Variants in GRAMD4 observed in about 807,000 individuals in gnomAD.
GRAMD4 encodes the protein GRAM domain-containing protein 4.
Under a neutral mutation model 83.9 loss-of-function variants are expected in GRAMD4, and 25 were observed. That is an observed-to-expected ratio of 0.30 (90% confidence interval 0.22 to 0.42). The LOEUF is 0.42. GRAMD4 is among the 10% of genes least tolerant of loss of function. GRAMD4 has a pLI of 1.00. For missense variants in GRAMD4, 593 were observed against 788.7 expected (o/e 0.75, Z 2.97); for synonymous variants, 336 against 320.9 (o/e 1.05, Z -0.50).
rs187286249 is a variant in GRAMD4, at chr22:46,587,389, G to A, written c.-50+10099G>A. Among the ~76,000 whole-genome samples the A allele has an allele frequency of 1.6e-3, 251 of 152,222 alleles. 1 individual carries two copies. Among genetic ancestry groups the A allele is most frequent in the African/African-American group, 5.7e-3 (238 of 41,540 alleles). On this transcript the variant is annotated intron_variant, in intron 1 of 1. Coordinates refer to the GRAMD4 transcript ENST00000431155. ...TGGGAAGGGGAAGTCTGTTCCAAAA[G>A]CCCAGCCGTCCGGAGTGACACTGGG...
intron 1 of GRAMD4, among the ~76,000 whole-genome samples, chr22:46,596,459 G>T (rs1192420212): frequency 2.6e-5 from 4 of 152,214 alleles, no homozygotes; most frequent in Admixed American, 2.0e-4. Context: ...TGAGTGCTTG[G>T]CAAGGGGCTC....
upstream of GRAMD4, chr22:46,620,204 T>G: frequency 1.8e-6 from 1 of 544,596 alleles, no homozygotes; most frequent in Non-Finnish European, 2.3e-6. The surrounding 1 kb of genome is among the most constrained non-coding windows in gnomAD (Gnocchi z 4.7). Context: ...ACTGTTGCCT[T>G]TGTGTGTCCA....
chr22:46,593,328 G>A (rs1238434337), intron 1 of GRAMD4, among the ~76,000 whole-genome samples: 1 of 152,036 alleles, frequency 6.6e-6, no homozygotes, highest in East Asian at 1.9e-4. Flanking sequence ...CCTTGTTGCA[G>A]GCGGTCTTGG....
chr22:46,609,141 AT>A (rs151304612), intron 1 of GRAMD4, among the ~76,000 whole-genome samples: 5 of 150,986 alleles, frequency 3.3e-5, no homozygotes, highest in African/African-American at 4.9e-5. Flanking sequence ...AGCCCAAAAC[AT>A]TTTTTTTTGT....
At position 46,678,857 on chromosome 22, in the gene GRAMD4, A is replaced by C; in HGVS notation, c.*1606A>C. 1 of 986,036 alleles carries C rather than the reference A, an allele frequency of 1.0e-6. No homozygotes were observed. The highest frequency in any genetic ancestry group is 1.2e-6 in the Non-Finnish European group (1 of 830,030). 61.1% of individuals were successfully genotyped at this position (986,036 alleles called of 1,614,324 possible). ...TGGGGGGAGCTGCGCCGATCACCAG[A>C]TTAAGCACATGTCCTATCCCAGGCG... On this transcript the variant is annotated 3_prime_UTR_variant, in exon 19 of 19. Transcript: ENST00000406902.
intron 1 of GRAMD4, among the ~76,000 whole-genome samples, chr22:46,614,305 TCTC>T (rs1161791120): frequency 2.6e-5 from 4 of 152,150 alleles, no homozygotes; most frequent in African/African-American, 9.7e-5. Context: ...GGGCCTCACT[TCTC>T]CTTGTGTTGG....
At chr22:46,581,053 C>T (rs17882269) in intron 1 of GRAMD4, among the ~76,000 whole-genome samples, 26,914 of 151,590 alleles carry the variant, frequency 0.18, 3,829 homozygotes, top group East Asian at 0.65. Flanking sequence ...CCTTTGGTAT[C>T]TCGGCATGTG....
At chr22:46,641,141 C>T (rs531806232) in intron 3 of GRAMD4, among the ~76,000 whole-genome samples, 37 of 152,194 alleles carry the variant, frequency 2.4e-4, no homozygotes, top group Admixed American at 7.9e-4. Context: ...GGTGCGATCT[C>T]GGCTCACTGT....
Position 46,672,791 on chromosome 22 carries a change from C to T in GRAMD4, c.1085-52C>T. The T allele has an allele frequency of 5.5e-6, 8 of 1,467,056 alleles. No individual in the cohort carries two copies. Among genetic ancestry groups the T allele is most frequent in the Non-Finnish European group, 7.5e-6 (8 of 1,059,882 alleles). 90.9% of individuals were successfully genotyped at this position (1,467,056 alleles called of 1,614,324 possible). The stretch of plus-strand genomic sequence containing the variant: ...TGCCGGAACCATCACCCTGAGTAGA[C>T]TGGCATAGCTGCAGAGCTCTAGATG... On this transcript the variant is annotated intron_variant, in intron 13 of 18. Coordinates refer to ENST00000406902, the MANE Select transcript of GRAMD4 (RefSeq NM_015124.5). This position sits in a 1 kb window ranked among gnomAD's most constrained non-coding sequence, Gnocchi z 4.7.
At chr22:46,619,733 G>A (rs2147132471), upstream of GRAMD4, among the ~76,000 whole-genome samples, 1 of 152,292 alleles carries the variant, frequency 6.6e-6, no homozygotes, top group East Asian at 1.9e-4. Context: ...TCCAGCTGCT[G>A]GTCTAACCTC....
chr22:46,597,059 G>A lies in GRAMD4; in HGVS notation c.-50+19769G>A, dbSNP rs182096180. Among the ~76,000 whole-genome samples the A allele has an allele frequency of 1.1e-3, 167 of 152,242 alleles. 1 individual carries two copies. The highest frequency in any genetic ancestry group is 3.8e-3 in the Admixed American group (58 of 15,276). On this transcript the variant is annotated intron_variant, in intron 1 of 1. Transcript: ENST00000431155. ...AAACCAGGTCTCCACGCCTGCTTTC[G>A]ATAAGTCCTGCCCTCCCCTGGGAAT...
At chr22:46,583,011 G>A (rs540175795) in intron 1 of GRAMD4, among the ~76,000 whole-genome samples, 5 of 152,248 alleles carry the variant, frequency 3.3e-5, no homozygotes, top group African/African-American at 9.6e-5. Context: ...CACAACCTCC[G>A]CCTCCCGGGT....
chr22:46,603,231 G>T, intron 1 of GRAMD4, among the ~76,000 whole-genome samples: 1 of 112,722 alleles, frequency 8.9e-6, no homozygotes, highest in Non-Finnish European at 1.7e-5. Flanking sequence ...TTTTTGAGAC[G>T]GAGTCTCGCT....
At chr22:46,608,718 T>A (rs1010933821) in intron 1 of GRAMD4, among the ~76,000 whole-genome samples, 2 of 150,596 alleles carry the variant, frequency 1.3e-5, no homozygotes, top group Admixed American at 6.6e-5. Context: ...ATATATATAT[T>A]TTTTTCTTGG....
intron 2 of GRAMD4, among the ~76,000 whole-genome samples, chr22:46,634,225 C>A (rs2081823491): frequency 6.6e-6 from 1 of 152,188 alleles, no homozygotes; most frequent in African/African-American, 2.4e-5. Context: ...GGTCTCATTT[C>A]AGCTTAATGA....
chr22:46,626,574 C>T (rs537454300), intron 1 of GRAMD4, among the ~76,000 whole-genome samples, 177 bp from the exon 2 acceptor site: 181 of 141,854 alleles, frequency 1.3e-3, no homozygotes, highest in African/African-American at 4.7e-3. Context: ...CCGTGCCCTG[C>T]GTGTGGGAGC....
chr22:46,676,760 AG>A (rs1243182792), intron 18 of GRAMD4, 92 bp downstream of exon 18: 60 of 1,194,188 alleles, frequency 5.0e-5, no homozygotes, highest in Non-Finnish European at 1.2e-6. Context: ...GCAGACAGCC[AG>A]AGTTTTAGTT....
Position 46,673,539 on chromosome 22 carries a change from C to T in GRAMD4, c.1240-131C>T, listed in dbSNP as rs1033455508. The T allele has an allele frequency of 1.6e-5, 18 of 1,151,876 alleles. No homozygotes were observed. The East Asian group carries it at 2.1e-4, about 14-fold the overall frequency. The allele number at this position is 1,151,876 out of a possible 1,614,324, so 71.4% of individuals were successfully genotyped here. On this transcript the variant is annotated intron_variant, in intron 14 of 18. Transcript: ENST00000406902. ...CCTGGAAGAAGGAGCCGCTCTGGGC[C>T]GGAAGGGACCTCGGGAACGTCTTCC...
chr22:46,585,917 C>T (rs1029973718), intron 1 of GRAMD4, among the ~76,000 whole-genome samples: 10 of 152,174 alleles, frequency 6.6e-5, no homozygotes, highest in East Asian at 5.8e-4. Flanking sequence ...CATGTGCCTG[C>T]GGCTCCTCTG....
Sources: gnomAD v4.1 joint callset for allele counts (sites outside exome capture counted in the v4.1 genomes callset) on GRCh38, gnomAD v4.1.1 for gene constraint, Gnocchi (gnomAD v3.1) non-coding constraint, MANE v1.5 for transcripts, NCBI Gene and HGNC (gene_info 2026-07-23, HGNC 2026-07-21) for gene names.